Variants in MLN observed in about 807,000 individuals in gnomAD.
MLN encodes the protein promotilin.
A neutral mutation model predicts 13.3 loss-of-function variants in MLN; 14 were observed. The observed-to-expected ratio is 1.05, with a 90% confidence interval of 0.69 to 1.64. The LOEUF (loss-of-function observed/expected upper bound fraction) is 1.64, where lower values mean the gene tolerates loss of function less well. Among genes scored for constraint, MLN ranks in the 40% most tolerant of loss-of-function variants. The pLI, the probability that MLN is intolerant of heterozygous loss-of-function variation, is 0.00. For synonymous variants in MLN, 59 were observed against 54.7 expected (o/e 1.08, Z -0.34); for missense variants, 122 against 142.9 (o/e 0.85, Z 0.75).
rs1184620735 is a variant in MLN at position 33,803,398 on chromosome 6, C to T, written c.-8+555G>A. Among the ~76,000 whole-genome samples, 1 of 151,650 alleles carries T rather than the reference C, an allele frequency of 6.6e-6. No individual in the cohort carries two copies. Among genetic ancestry groups the T allele is most frequent in the East Asian group, 1.9e-4 (1 of 5,158 alleles). ...TCTCGGCTCACTGCAACCTCTGCCT[C>T]CCAGGTTCAAGCGATTCTTCTGCCT... is the stretch of plus-strand genomic sequence containing the variant. On this transcript the variant is annotated intron_variant, in intron 1 of 4. Coordinates refer to ENST00000430124, the MANE Select transcript of MLN (RefSeq NM_002418.3). This position sits in a 1 kb window ranked among gnomAD's most constrained non-coding sequence, Gnocchi z 4.5.
intron 3 of MLN, among the ~76,000 whole-genome samples, chr6:33,797,676 T>C (rs956919754): frequency 6.6e-6 from 1 of 152,184 alleles, no homozygotes; most frequent in African/African-American, 2.4e-5. Flanking sequence ...TTGCCCTGCC[T>C]CCTCCAAGAC....
In MLN at chr6:33,795,532, C is replaced by A; in HGVS notation, c.308G>T (p.Gly103Val). 6.4e-7 allele frequency: 1 copy of A among 1,566,930 alleles called. No individual in the cohort carries two copies. The highest frequency in any genetic ancestry group is 2.3e-5 in the East Asian group (1 of 42,986). ...CTGGGGAAGCATCTCACTCAGCAGCCCTTCCAGGGTGGCCGGGTACTTTTC... is the reference window on the plus strand; with the variant it reads ...CTGGGGAAGCATCTCACTCAGCAGCACTTCCAGGGTGGCCGGGTACTTTTC... ...QLEKYPATLEGLLSEMLPQHA... is the reference protein window; with the variant it reads ...QLEKYPATLEVLLSEMLPQHA... The change falls in exon 4 of 5, where the codon GGG becomes GTG. Residue 103 changes from glycine to valine, a missense_variant. Gly to Val is a moderately radical substitution (Grantham distance 109, BLOSUM62 -3). Transcript: ENST00000430124.
At chr6:33,795,793 G>T (rs896154028) in intron 3 of MLN, among the ~76,000 whole-genome samples, 188 bp from the exon 4 acceptor site, 1 of 152,026 alleles carries the variant, frequency 6.6e-6, no homozygotes, top group Non-Finnish European at 1.5e-5. Flanking sequence ...GATCCTGAAG[G>T]TCACTGAGTC....
At chr6:33,796,084 C>G (rs1472961825) in intron 3 of MLN, among the ~76,000 whole-genome samples, 1 of 151,948 alleles carries the variant, frequency 6.6e-6, no homozygotes, top group African/African-American at 2.4e-5. Flanking sequence ...CTCAGCCTCC[C>G]AAGTAGCTGG....
chr6:33,796,643 C>A (rs948225805), intron 3 of MLN, among the ~76,000 whole-genome samples: 1 of 152,182 alleles, frequency 6.6e-6, no homozygotes, highest in Non-Finnish European at 1.5e-5. Flanking sequence ...GCCTCCTAGA[C>A]GCTTGGGGGC....
intron 3 of MLN, among the ~76,000 whole-genome samples, chr6:33,797,535 C>A (rs1767954025): frequency 1.3e-5 from 2 of 152,230 alleles, no homozygotes; most frequent in Non-Finnish European, 2.9e-5. Context: ...CCATGAGTGG[C>A]AAATCCGTCT....
chr6:33,801,064 C>T lies in MLN; in HGVS notation c.100G>A (p.Glu34Lys), dbSNP rs749823669. The T allele has an allele frequency of 6.8e-6, 11 of 1,613,802 alleles. No individual in the cohort carries two copies. In the Middle Eastern group the frequency reaches 6.6e-4, roughly 96 times the overall value. Residue 34 changes from glutamate (E) to lysine (K), a missense_variant, in exon 2 of 5, where the codon GAA (glutamate) becomes AAA (lysine). Transcript: ENST00000430124. ...GTTCTTACCTGCATCCTCTGGAGTT[C>T]GCCATAGGTGAAGATGGGGACGAAG... ...EAFVPIFTYG[E>K]LQRMQEKERN...
chr6:33,801,607 AG>A (rs1422014737), intron 1 of MLN, among the ~76,000 whole-genome samples: 2 of 152,236 alleles, frequency 1.3e-5, no homozygotes, highest in Non-Finnish European at 2.9e-5. Context: ...GAATGACAAA[AG>A]GGGTGGACCC....
intron 2 of MLN, among the ~76,000 whole-genome samples, chr6:33,800,197 C>T (rs1319702721): frequency 6.6e-6 from 1 of 152,214 alleles, no homozygotes; most frequent in African/African-American, 2.4e-5. Flanking sequence ...GGCACTAACT[C>T]ATGTATTCAT....
At chr6:33,802,318 C>T (rs569935152) in intron 1 of MLN, among the ~76,000 whole-genome samples, 1 of 152,198 alleles carries the variant, frequency 6.6e-6, no homozygotes. Context: ...CCGGGACAGC[C>T]CCTCCAGCAG....
intron 1 of MLN, among the ~76,000 whole-genome samples, chr6:33,802,531 C>T (rs1384952669): frequency 1.3e-5 from 2 of 152,194 alleles, no homozygotes; most frequent in Non-Finnish European, 2.9e-5. Context: ...GACCTGTCTC[C>T]TCAGTCATCT....
rs370121109 is a variant in MLN at position 33,803,377 on chromosome 6, G to A, written c.-8+576C>T. ...GGCTAGAGTGCAGTGGCGCGATCTC[G>A]GCTCACTGCAACCTCTGCCTCCCAG... On this transcript the variant is annotated intron_variant, in intron 1 of 4. Transcript: ENST00000430124. This position sits in a 1 kb window ranked among gnomAD's most constrained non-coding sequence, Gnocchi z 4.5. Among the ~76,000 whole-genome samples the A allele has an allele frequency of 1.4e-4, 20 of 147,892 alleles. No homozygotes were observed. The South Asian group carries it at 1.5e-3, about 11-fold the overall frequency.
chr6:33,798,559 C>T (rs1416075179), intron 3 of MLN, among the ~76,000 whole-genome samples: 1 of 152,238 alleles, frequency 6.6e-6, no homozygotes, highest in Non-Finnish European at 1.5e-5. Flanking sequence ...CTTCTTGCCT[C>T]CACTCATGCT....
intron 3 of MLN, among the ~76,000 whole-genome samples, 179 bp downstream of exon 3, chr6:33,798,926 C>A (rs1767984215): frequency 6.6e-6 from 1 of 152,162 alleles, no homozygotes; most frequent in Admixed American, 6.5e-5. Flanking sequence ...TGATTTATCT[C>A]GTTGCTGGAG....
intron 3 of MLN, among the ~76,000 whole-genome samples, chr6:33,797,333 C>T (rs895161482): frequency 2.0e-5 from 3 of 152,224 alleles, no homozygotes; most frequent in Non-Finnish European, 1.5e-5. Context: ...GCTTGAAATT[C>T]CCTCTAACCA....
intron 4 of MLN, 135 bp downstream of exon 4, chr6:33,795,368 A>G: frequency 1.4e-6 from 1 of 712,002 alleles, no homozygotes; most frequent in Admixed American, 2.3e-5. Flanking sequence ...AGCATAGCCC[A>G]GGGAGAAGAC....
In MLN at chr6:33,799,264, A is replaced by G; in HGVS notation, c.118-43T>C. 1 of 1,417,356 alleles carries G rather than the reference A, an allele frequency of 7.1e-7. No homozygotes were observed. Among genetic ancestry groups the G allele is most frequent in the Non-Finnish European group, 9.9e-7 (1 of 1,006,784 alleles). 87.8% of individuals were successfully genotyped at this position (1,417,356 alleles called of 1,614,324 possible). A position where few individuals can be genotyped will look rare whatever the true frequency, so the allele number is the denominator to read the frequency against. On this transcript the variant is annotated intron_variant, in intron 2 of 4. Coordinates refer to ENST00000430124, the MANE Select transcript of MLN (RefSeq NM_002418.3). The surrounding 1 kb of genome is among the most constrained non-coding windows in gnomAD (Gnocchi z 4.6). Reference sequence around the variant, plus strand: ...AATTGCACAAAACCGCCCTCCCTCAACCCACGCTGATGGCCCCTTGCCTGT... The same window carrying G: ...AATTGCACAAAACCGCCCTCCCTCAGCCCACGCTGATGGCCCCTTGCCTGT...
In MLN at chr6:33,803,211, C is replaced by T. The variant is rs1048847561; in HGVS notation, c.-8+742G>A. 1.2e-4 allele frequency among the ~76,000 whole-genome samples: 18 copies of T among 152,080 alleles called. No homozygotes were observed. Among genetic ancestry groups the T allele is most frequent in the African/African-American group, 4.3e-4 (18 of 41,404 alleles). Reference sequence around the variant, plus strand: ...TCCAGCTCTGCATGAAGGGGGTGACCGTCTGCCCTCCCTTGCAGCACCCCT... The same window carrying T: ...TCCAGCTCTGCATGAAGGGGGTGACTGTCTGCCCTCCCTTGCAGCACCCCT... On this transcript the variant is annotated intron_variant, in intron 1 of 4. Transcript: ENST00000430124. This position sits in a 1 kb window ranked among gnomAD's most constrained non-coding sequence, Gnocchi z 4.5.
At position 33,794,749 on chromosome 6, in the gene MLN, G is replaced by C. The variant is rs1767868567; in HGVS notation, c.*76C>G. 5 of 1,566,040 alleles carry C rather than the reference G, an allele frequency of 3.2e-6. No homozygotes were observed. In the East Asian group the frequency reaches 1.1e-4, roughly 35 times the overall value. ...TTTTCCTTCCAAGCCCAGCTGGCAGGCTCTGTAAATTCCCAGGGCCTCACT... is the reference window on the plus strand; with the variant it reads ...TTTTCCTTCCAAGCCCAGCTGGCAGCCTCTGTAAATTCCCAGGGCCTCACT... On this transcript the variant is annotated 3_prime_UTR_variant, in exon 5 of 5. Transcript: ENST00000430124.
Sources: gnomAD v4.1 joint callset for allele counts (sites outside exome capture counted in the v4.1 genomes callset) on GRCh38, gnomAD v4.1.1 for gene constraint, Gnocchi (gnomAD v3.1) non-coding constraint, MANE v1.5 for transcripts, NCBI Gene and HGNC (gene_info 2026-07-23, HGNC 2026-07-21) for gene names.